ZC3H3: variants seen among roughly 807,000 people sequenced by gnomAD.
ZC3H3 encodes the protein zinc finger CCCH-type containing 3.
In ZC3H3, 36 loss-of-function variants were observed where a neutral mutation model predicts 77.3. The observed-to-expected ratio is 0.47, with a 90% CI of 0.36 to 0.61. ZC3H3 has a LOEUF of 0.61. Among genes scored for constraint, ZC3H3 ranks in the 20% least tolerant of loss-of-function variants. The pLI, the probability that ZC3H3 is intolerant of heterozygous loss-of-function variation, is 0.00. For missense variants in ZC3H3, 1,331 were observed against 1,312.2 expected (o/e 1.01, Z -0.22); for synonymous variants, 626 against 555.2 (o/e 1.13, Z -1.79).
intron 4 of ZC3H3, among the ~76,000 whole-genome samples, chr8:143,479,568 A>AG (rs1820849774): frequency 6.6e-6 from 1 of 152,224 alleles, no homozygotes; most frequent in African/African-American, 2.4e-5. Flanking sequence ...AATGAAGGCC[A>AG]GGGAGGGAAC....
At chr8:143,478,755 C>T (rs576283513) in intron 4 of ZC3H3, among the ~76,000 whole-genome samples, 6 of 152,358 alleles carry the variant, frequency 3.9e-5, no homozygotes, top group South Asian at 2.1e-4. Context: ...GGTGATCTGA[C>T]GGCCTTGGCC....
chr8:143,476,344 C>T (rs1820734082), intron 4 of ZC3H3, among the ~76,000 whole-genome samples: 1 of 152,236 alleles, frequency 6.6e-6, no homozygotes, highest in South Asian at 2.1e-4. Flanking sequence ...GAGGCCGCGA[C>T]AGCCCCTGGA....
chr8:143,449,751 AC>A lies in ZC3H3; in HGVS notation c.2308-8632del, dbSNP rs1271436965. Among the ~76,000 whole-genome samples, 161 of 152,212 alleles carry A rather than the reference AC, an allele frequency of 1.1e-3. 1 individual carries two copies. Among genetic ancestry groups the A allele is most frequent in the African/African-American group, 3.8e-3 (159 of 41,524 alleles). ...ATGTCAAAAAAACAAACAAAACAAA[AC>A]AAAACAAAACCCAGGAAATTTCCAC... On this transcript the variant is annotated intron_variant, in intron 9 of 11. Transcript: ENST00000262577.
intron 3 of ZC3H3, among the ~76,000 whole-genome samples, chr8:143,522,909 G>A (rs1239733222): frequency 1.3e-5 from 2 of 148,934 alleles, no homozygotes; most frequent in African/African-American, 2.4e-5. Context: ...GACAGAGCAA[G>A]ACCCTGTCTC....
In ZC3H3 at chr8:143,493,533, G is replaced by A. The variant is rs1211545920; in HGVS notation, c.1715+14213C>T. On this transcript the variant is annotated intron_variant, in intron 4 of 11. Transcript: ENST00000262577. This position sits in a 1 kb window ranked among gnomAD's most constrained non-coding sequence, Gnocchi z 4.8. Reference sequence around the variant, plus strand: ...GGGGGGATGCCAGCTCAGCCCTGCTGCCATGGGCACTGCCAAGGACTCCAC... The same window carrying A: ...GGGGGGATGCCAGCTCAGCCCTGCTACCATGGGCACTGCCAAGGACTCCAC... Among the ~76,000 whole-genome samples the A allele has an allele frequency of 6.6e-6, 1 of 152,214 alleles. No homozygotes were observed. Among genetic ancestry groups the A allele is most frequent in the Non-Finnish European group, 1.5e-5 (1 of 68,028 alleles).
intron 9 of ZC3H3, among the ~76,000 whole-genome samples, chr8:143,449,759 A>G (rs1819943276): frequency 7.4e-6 from 1 of 134,396 alleles, no homozygotes; most frequent in South Asian, 2.3e-4. Flanking sequence ...AAACAAAACA[A>G]AACCCAGGAA....
intron 9 of ZC3H3, among the ~76,000 whole-genome samples, chr8:143,444,184 C>G (rs1316014141): frequency 1.3e-5 from 2 of 152,136 alleles, no homozygotes; most frequent in African/African-American, 2.4e-5. Context: ...CCTTGTTAGC[C>G]AGGATGGTCT....
At chr8:143,523,268 C>G in intron 3 of ZC3H3, 2 of 971,650 alleles carry the variant, frequency 2.1e-6, no homozygotes, top group Non-Finnish European at 2.4e-6. Context: ...GCTTGCTCCA[C>G]GTCCCCAGGG....
intron 4 of ZC3H3, among the ~76,000 whole-genome samples, chr8:143,502,386 G>A (rs948168326): frequency 2.0e-5 from 3 of 152,230 alleles, no homozygotes; most frequent in African/African-American, 4.8e-5. Context: ...GACCCCTCCC[G>A]TCCCCAGGCT....
chr8:143,441,783 G>C (rs561089901), intron 9 of ZC3H3, among the ~76,000 whole-genome samples: 85 of 152,266 alleles, frequency 5.6e-4, no homozygotes, highest in African/African-American at 2.0e-3. Flanking sequence ...CGCCCAGCCT[G>C]CCCTTCCTCT....
chr8:143,492,125 C>T (rs547057029), intron 4 of ZC3H3, among the ~76,000 whole-genome samples: 62 of 152,308 alleles, frequency 4.1e-4, no homozygotes, highest in African/African-American at 1.4e-3. Flanking sequence ...AAAAGACAGA[C>T]GTTGCATGGG....
chr8:143,507,254 A>T (rs1242930703), intron 4 of ZC3H3, among the ~76,000 whole-genome samples: 1 of 152,192 alleles, frequency 6.6e-6, no homozygotes, highest in Non-Finnish European at 1.5e-5. Flanking sequence ...TCAGAGTGCG[A>T]GTGGGGGCCA....
Position 143,475,489 on chromosome 8 carries a change from G to A in ZC3H3, c.1812C>T (p.Ile604=), listed in dbSNP as rs140825265. The A allele has an allele frequency of 3.0e-5, 48 of 1,612,932 alleles. No individual in the cohort carries two copies. The African/African-American group carries it at 4.5e-4, about 15-fold the overall frequency. Residue 604 remains isoleucine (I), a synonymous_variant, in exon 5 of 12, where the codon ATC becomes ATT. Coordinates refer to ENST00000262577, the MANE Select transcript of ZC3H3 (RefSeq NM_015117.3). ...CAGATACTTTGTAGAGGACCCCTCCGATGCAGCGGTAGCCTTTGCTCCGCC... is the reference window on the plus strand; with the variant it reads ...CAGATACTTTGTAGAGGACCCCTCCAATGCAGCGGTAGCCTTTGCTCCGCC... The part of the protein sequence containing the change: ...PWWRSKGYRC[I]GGVLYKVSAN...
At chr8:143,438,316 C>G (rs1819637126) in intron 11 of ZC3H3, among the ~76,000 whole-genome samples, 1 of 152,116 alleles carries the variant, frequency 6.6e-6, no homozygotes, top group South Asian at 2.1e-4. Context: ...CTGTGGCTGT[C>G]TAGCCATGGT....
chr8:143,480,212 T>C (rs1457407517), intron 4 of ZC3H3, among the ~76,000 whole-genome samples: 1 of 152,144 alleles, frequency 6.6e-6, no homozygotes, highest in Non-Finnish European at 1.5e-5. Context: ...TCTGAGGTCT[T>C]GGTTTTCCTG....
chr8:143,473,243 G>A (rs1300167402), intron 5 of ZC3H3, among the ~76,000 whole-genome samples: 2 of 152,208 alleles, frequency 1.3e-5, no homozygotes, highest in African/African-American at 2.4e-5. Context: ...GTCCTGCGAT[G>A]CCTCACGCCC....
At position 143,468,736 on chromosome 8, in the gene ZC3H3, C is replaced by T. The variant is rs377617230; in HGVS notation, c.1904-77G>A. 1.0e-5 allele frequency: 15 copies of T among 1,492,528 alleles called. 1 individual carries two copies. Among genetic ancestry groups the T allele is most frequent in the African/African-American group, 4.2e-5 (3 of 70,870 alleles). The allele number at this position is 1,492,528 out of a possible 1,614,324, so 92.5% of individuals were successfully genotyped here. On this transcript the variant is annotated intron_variant, in intron 5 of 11. Transcript: ENST00000262577. ...CCCTTTCCCTGCTGACCCCCTTAGT[C>T]GAGGCCCTCAGGGGTCCCAACACTC...
chr8:143,447,252 G>A (rs527718597), intron 9 of ZC3H3, among the ~76,000 whole-genome samples: 46 of 152,324 alleles, frequency 3.0e-4, no homozygotes, highest in Non-Finnish European at 5.3e-4. Context: ...TGGCTGTGAC[G>A]CACCCTTTGT....
chr8:143,437,760 G>T lies in ZC3H3; in HGVS notation c.*296C>A. The T allele has an allele frequency of 4.2e-6, 2 of 481,884 alleles. No individual in the cohort carries two copies. Among genetic ancestry groups the T allele is most frequent in the Non-Finnish European group, 7.6e-6 (2 of 263,064 alleles). 29.9% of individuals were successfully genotyped at this position (481,884 alleles called of 1,614,324 possible). On this transcript the variant is annotated 3_prime_UTR_variant, in exon 12 of 12. Coordinates refer to ENST00000262577, the MANE Select transcript of ZC3H3 (RefSeq NM_015117.3). ...AAAACCTGGGTGGGGAGGGCTGGGG[G>T]CTGCAGGGCCACTGTTGCCAATGGC... is the stretch of plus-strand genomic sequence containing the variant.
Sources: gnomAD v4.1 joint callset for allele counts (sites outside exome capture counted in the v4.1 genomes callset) on GRCh38, gnomAD v4.1.1 for gene constraint, Gnocchi (gnomAD v3.1) non-coding constraint, MANE v1.5 for transcripts, NCBI Gene and HGNC (gene_info 2026-07-23, HGNC 2026-07-21) for gene names.